DNAH2: variants seen among roughly 807,000 people sequenced by gnomAD.
DNAH2 encodes the protein dynein axonemal heavy chain 2.
Under a neutral mutation model 523.5 loss-of-function variants are expected in DNAH2, and 323 were observed. The ratio of observed to expected loss-of-function variants is 0.62; its 90% CI spans 0.56 to 0.68. The LOEUF (loss-of-function observed/expected upper bound fraction) is 0.68, where lower values mean the gene tolerates loss of function less well. Ranked by LOEUF, DNAH2 falls within the 30% of genes least tolerant of loss-of-function variation. The pLI, the probability that DNAH2 is intolerant of heterozygous loss-of-function variation, is 0.00. For synonymous variants in DNAH2, 2,093 were observed against 2,177.4 expected (o/e 0.96, Z 1.08); for missense variants, 4,907 against 5,701.5 (o/e 0.86, Z 4.49).
rs1354679815 is a variant in DNAH2 at position 7,760,383 on chromosome 17, G to T, written c.2786-357G>T. On this transcript the variant is annotated intron_variant, in intron 17 of 85. Transcript: ENST00000572933. The surrounding 1 kb of genome is among the most constrained non-coding windows in gnomAD (Gnocchi z 4.0). ...CTAAAAAAAAAAACAAAAACAGGGG[G>T]GCCAGACTGGGGAAGGGAGCAGGGG... 1.3e-5 allele frequency among the ~76,000 whole-genome samples: 2 copies of T among 151,636 alleles called. No individual in the cohort carries two copies.
intron 63 of DNAH2, among the ~76,000 whole-genome samples, chr17:7,813,315 T>A (rs1445512237): frequency 6.6e-6 from 1 of 151,864 alleles, no homozygotes; most frequent in Non-Finnish European, 1.5e-5. Context: ...GGTCTCAAAC[T>A]TCTGGCCTCA....
intron 49 of DNAH2, among the ~76,000 whole-genome samples, 185 bp downstream of exon 49, chr17:7,794,543 G>A (rs542435235): frequency 6.6e-6 from 1 of 152,124 alleles, no homozygotes; most frequent in Non-Finnish European, 1.5e-5. Context: ...GGTTGGAAGC[G>A]TACCTTCCTG....
chr17:7,764,061 G>A lies in DNAH2; in HGVS notation c.3179+30G>A, dbSNP rs556100643. 2.5e-6 allele frequency: 4 copies of A among 1,614,176 alleles called. No homozygotes were observed. The South Asian group carries it at 4.4e-5, about 18-fold the overall frequency. ...GGGCTGGGGCGCCCCACAGGAAGGG[G>A]GCAGGGGCAGGCACTGGGCCTTCCA... On this transcript the variant is annotated intron_variant, in intron 19 of 85. Transcript: ENST00000572933.
chr17:7,759,267 C>T lies in DNAH2; in HGVS notation c.2448+143C>T, dbSNP rs1016160470. ...CATCGTGCTCTAGTCTTGGACTCAG[C>T]CAACCTTCAGTCCTCACACCTCTTC... On this transcript the variant is annotated intron_variant, in intron 15 of 85. Transcript: ENST00000572933. 15 of 1,436,150 alleles carry T rather than the reference C, an allele frequency of 1.0e-5. No homozygotes were observed. In the African/African-American group the frequency reaches 2.0e-4, roughly 19 times the overall value. 89.0% of individuals were successfully genotyped at this position (1,436,150 alleles called of 1,614,324 possible). A position where few individuals can be genotyped will look rare whatever the true frequency, so the allele number is the denominator to read the frequency against.
rs753024316 is a variant in DNAH2, at chr17:7,723,620, C to A, written c.167-8C>A. On this transcript the variant is annotated splice_region_variant and splice_polypyrimidine_tract_variant and intron_variant, in intron 2 of 85. Coordinates refer to ENST00000572933, the MANE Select transcript of DNAH2 (RefSeq NM_020877.5). ...ATGCCTTCCTTTTTGTATGTTTATT[C>A]TTCCTAGAGCCACGGTTGGAGGGAC... 14 of 1,613,404 alleles carry A rather than the reference C, an allele frequency of 8.7e-6. No homozygotes were observed. The African/African-American group carries it at 1.1e-4, about 12-fold the overall frequency.
At chr17:7,787,739 A>T in intron 42 of DNAH2, 121 bp from the exon 43 acceptor site, 1 of 1,192,968 alleles carries the variant, frequency 8.4e-7, no homozygotes, top group East Asian at 2.9e-5. Context: ...TTGTCTTAAA[A>T]AAAAAAAAAA....
Position 7,765,439 on chromosome 17 carries a change from C to A in DNAH2, c.3385C>A (p.Gln1129Lys). The A allele has an allele frequency of 6.2e-7, 1 of 1,614,226 alleles. No individual in the cohort carries two copies. Residue 1129 changes from glutamine to lysine, a missense_variant, in exon 21 of 86, where the codon CAA becomes AAA. Gln to Lys is a moderately conservative substitution (Grantham distance 53). Around this residue, in one of 3 missense-constraint regions of DNAH2, gnomAD observed 2,806 missense variants for 3,190.8 expected, o/e 0.88. Transcript: ENST00000572933. ...SLNGEWVVFQ[Q>K]TLLDSKQMLK... ...CAACGGGGAGTGGGTTGTCTTCCAA[C>A]AAACTCTGCTGGACAGTAAGCAAAT... is the stretch of plus-strand genomic sequence containing the variant.
Position 7,780,392 on chromosome 17 carries a change from C to G in DNAH2, c.5850+108C>G. 1 of 1,538,844 alleles carries G rather than the reference C, an allele frequency of 6.5e-7. No homozygotes were observed. On this transcript the variant is annotated intron_variant, in intron 37 of 85. Coordinates refer to ENST00000572933, the MANE Select transcript of DNAH2 (RefSeq NM_020877.5). The surrounding 1 kb of genome is among the most constrained non-coding windows in gnomAD (Gnocchi z 4.4). ...CACAATCAGCTTATCCTCTAAGGAA[C>G]TTAGACTATTGTCAGTAGGATGTGT...
chr17:7,775,444 G>A, intron 30 of DNAH2, 102 bp downstream of exon 30: 1 of 1,115,046 alleles, frequency 9.0e-7, no homozygotes, highest in East Asian at 2.6e-5. Flanking sequence ...CCAGCACTTT[G>A]GGAGGCTGAG....
chr17:7,733,886 A>AT (rs1358178657), intron 5 of DNAH2, among the ~76,000 whole-genome samples: 1 of 152,158 alleles, frequency 6.6e-6, no homozygotes, highest in Non-Finnish European at 1.5e-5. Flanking sequence ...GGAAAGGGAA[A>AT]TATAGGTGCT....
chr17:7,826,603 C>CTGG (rs2078027602), intron 77 of DNAH2, among the ~76,000 whole-genome samples: 3 of 147,598 alleles, frequency 2.0e-5, no homozygotes, highest in Admixed American at 1.4e-4. Context: ...GCAGTGGCGC[C>CTGG]ATCTCGGCTC....
In DNAH2 at chr17:7,801,686, A is replaced by C. The variant is rs2077226328; in HGVS notation, c.8808A>C (p.Gly2936=). The C allele has an allele frequency of 6.2e-7, 1 of 1,613,972 alleles. No homozygotes were observed. Among genetic ancestry groups the C allele is most frequent in the African/African-American group, 1.3e-5 (1 of 74,886 alleles). Residue 2936 remains glycine, a synonymous_variant, in exon 57 of 86, where the codon GGA becomes GGC. Coordinates refer to ENST00000572933, the MANE Select transcript of DNAH2 (RefSeq NM_020877.5). ...AGGTGGCTGAGAAGTGCCTCATAGG[A>C]GTAGACCTGGGAACTCAGGAGAATG... The part of the protein sequence containing the change: ...LLEVAEKCLI[G]VDLGTQENIH...
At position 7,796,609 on chromosome 17, in the gene DNAH2, C is replaced by T. The variant is rs1265824679; in HGVS notation, c.7820C>T (p.Pro2607Leu). ...NTVVQRFLPT[P>L]TKMHYLFNLR... ...GTGGTACAGCGCTTCCTGCCCACGC[C>T]CACCAAGATGCATTACCTCTTCAAC... The change falls in exon 50 of 86, where the codon CCC becomes CTC. Residue 2607 changes from proline to leucine, a missense_variant. Physicochemically the swap from Pro to Leu is moderately conservative, Grantham distance 98 (BLOSUM62 -3). Transcript: ENST00000572933. The T allele has an allele frequency of 1.2e-6, 2 of 1,613,146 alleles. No homozygotes were observed. The highest frequency in any genetic ancestry group is 1.7e-6 in the Non-Finnish European group (2 of 1,179,852).
At position 7,797,473 on chromosome 17, in the gene DNAH2, T is replaced by C; in HGVS notation, c.8023T>C (p.Ser2675Pro). Residue 2675 changes from serine (S) to proline (P), a missense_variant, in exon 52 of 86, where the codon TCC (serine) becomes CCC (proline). By Grantham distance (74) the Ser-to-Pro change is moderately conservative. This residue lies in a region of DNAH2 where 250 missense variants were observed against 371.3 expected (regional missense o/e 0.67). Transcript: ENST00000572933. The part of the protein sequence containing the change: ...FMGIISDKLG[S>P]FFDLTFHHLC... Reference sequence around the variant, plus strand: ...GGGCATCATAAGCGACAAGCTCGGCTCCTTCTTTGACCTCACATTTCATCA... The same window carrying C: ...GGGCATCATAAGCGACAAGCTCGGCCCCTTCTTTGACCTCACATTTCATCA... The C allele has an allele frequency of 6.2e-7, 1 of 1,614,192 alleles. No individual in the cohort carries two copies. Among genetic ancestry groups the C allele is most frequent in the Non-Finnish European group, 8.5e-7 (1 of 1,180,048 alleles).
At position 7,757,123 on chromosome 17, in the gene DNAH2, A is replaced by G. The variant is rs1262247805; in HGVS notation, c.1937A>G (p.Tyr646Cys). The G allele has an allele frequency of 1.2e-6, 2 of 1,613,948 alleles. No homozygotes were observed. The highest frequency in any genetic ancestry group is 1.7e-6 in the Non-Finnish European group (2 of 1,180,008). The change falls in exon 13 of 86, where the codon TAC (tyrosine) becomes TGC (cysteine). Residue 646 changes from tyrosine to cysteine, a missense_variant. Around this residue, in one of 3 missense-constraint regions of DNAH2, gnomAD observed 2,806 missense variants for 3,190.8 expected, o/e 0.88. Coordinates refer to ENST00000572933, the MANE Select transcript of DNAH2 (RefSeq NM_020877.5). Reference sequence around the variant, plus strand: ...CTGATTCTCTTTGCGGAAATTGACTACTGGGAGCGGCTGCTGTTTGAGACG... The same window carrying G: ...CTGATTCTCTTTGCGGAAATTGACTGCTGGGAGCGGCTGCTGTTTGAGACG... The part of the protein sequence containing the change: ...SLLILFAEID[Y>C]WERLLFETPH...
rs1025206194 is a variant in DNAH2, at chr17:7,829,087, G to A, written c.11854-1213G>A. Among the ~76,000 whole-genome samples, 3 of 151,350 alleles carry A rather than the reference G, an allele frequency of 2.0e-5. No homozygotes were observed. The East Asian group carries it at 5.8e-4, about 29-fold the overall frequency. Reference sequence around the variant, plus strand: ...GTCACCCAGGCTAGAGTGCAGTGGCGCTCTGCAACCTCCTCCTCCTGGGTT... The same window carrying A: ...GTCACCCAGGCTAGAGTGCAGTGGCACTCTGCAACCTCCTCCTCCTGGGTT... On this transcript the variant is annotated intron_variant, in intron 77 of 85. Coordinates refer to ENST00000572933, the MANE Select transcript of DNAH2 (RefSeq NM_020877.5).
chr17:7,723,176 T>C (rs993178440), intron 2 of DNAH2, among the ~76,000 whole-genome samples: 3 of 151,202 alleles, frequency 2.0e-5, no homozygotes, highest in South Asian at 2.1e-4. Context: ...TTCACCGTAT[T>C]AGTCAGGATG....
Position 7,796,590 on chromosome 17 carries a change from C to T in DNAH2, c.7801C>T (p.Gln2601Ter), listed in dbSNP as rs1381877617. The T allele has an allele frequency of 4.3e-6, 7 of 1,613,314 alleles. No homozygotes were observed. Among genetic ancestry groups the T allele is most frequent in the African/African-American group, 4.0e-5 (3 of 74,674 alleles). The change falls in exon 50 of 86, where the codon CAG becomes TAG. Residue 2601 changes from glutamine (Q) to a stop codon, truncating the protein, a stop_gained. Transcript: ENST00000572933. LOFTEE classifies it high-confidence loss of function. ...CCTGGACATGTACAACACCGTGGTA[C>T]AGCGCTTCCTGCCCACGCCCACCAA... ...ATLDMYNTVV[Q>*]RFLPTPTKMH...
chr17:7,808,562 G>T (rs563148022), intron 63 of DNAH2, among the ~76,000 whole-genome samples: 5 of 152,268 alleles, frequency 3.3e-5, no homozygotes, highest in African/African-American at 9.6e-5. Context: ...AAGGTACAAA[G>T]GAGTATCCAA....
Sources: allele counts gnomAD v4.1 joint callset (sites outside exome capture counted in the v4.1 genomes callset), GRCh38; gene constraint gnomAD v4.1.1; regional missense constraint gnomAD v4.1.1; non-coding constraint Gnocchi (gnomAD v3.1); transcripts MANE v1.5; gene names NCBI Gene and HGNC (gene_info 2026-07-23, HGNC 2026-07-21).